The following CMIP variants were observed in gnomAD, a reference collection of about 807,000 sequenced individuals.
The protein encoded by CMIP is c-Maf inducing protein, also known as C-Maf-inducing protein.
CMIP carries 13 observed loss-of-function variants against 97.3 expected under a neutral mutation model. The observed-to-expected ratio is 0.13, with a 90% CI of 0.09 to 0.21. CMIP has a LOEUF of 0.21. CMIP is among the 10% of genes least tolerant of loss of function. The pLI, the probability that CMIP is intolerant of heterozygous loss-of-function variation, is 1.00. For synonymous variants in CMIP, 538 were observed against 436.3 expected, an observed-to-expected ratio of 1.23 and a Z score of -2.91; for missense variants, 847 against 1,024.9, an observed-to-expected ratio of 0.83 and a Z score of 2.37.
At chr16:81,638,326 C>T (rs1034653962) in intron 3 of CMIP, among the ~76,000 whole-genome samples, 1 of 152,180 alleles carries the variant, frequency 6.6e-6, no homozygotes, top group African/African-American at 2.4e-5. Context: ...CACCTCATGA[C>T]CCAGGCAGGA....
intron 3 of CMIP, among the ~76,000 whole-genome samples, chr16:81,644,097 C>T (rs1376509780): frequency 6.6e-6 from 1 of 152,212 alleles, no homozygotes; most frequent in Non-Finnish European, 1.5e-5. Flanking sequence ...GTAATGAAAA[C>T]GAACGAAACA....
chr16:81,495,128 G>A (rs1377531821), intron 1 of CMIP, among the ~76,000 whole-genome samples: 1 of 152,216 alleles, frequency 6.6e-6, no homozygotes, highest in Non-Finnish European at 1.5e-5. Context: ...GCTGTCCGTG[G>A]CATAGGTTTG....
chr16:81,580,536 C>T (rs190239259), intron 1 of CMIP, among the ~76,000 whole-genome samples: 88 of 151,022 alleles, frequency 5.8e-4, no homozygotes, highest in African/African-American at 2.0e-3. Context: ...TGGGTTCAAG[C>T]AATTCTTGTG....
At chr16:81,569,365 A>C (rs958290702) in intron 1 of CMIP, among the ~76,000 whole-genome samples, 5 of 152,248 alleles carry the variant, frequency 3.3e-5, no homozygotes, top group African/African-American at 1.2e-4. Flanking sequence ...TGGAGCTGGC[A>C]TCTGAACCTA....
At chr16:81,566,792 T>C (rs982146632) in intron 1 of CMIP, among the ~76,000 whole-genome samples, 1 of 152,218 alleles carries the variant, frequency 6.6e-6, no homozygotes, top group Non-Finnish European at 1.5e-5. Context: ...AATTGTGGCA[T>C]AGTTATACAA....
At position 81,448,991 on chromosome 16, in the gene CMIP, C is replaced by A. The variant is rs146811460; in HGVS notation, c.300+3450C>A. Among the ~76,000 whole-genome samples the A allele has an allele frequency of 3.3e-5, 5 of 152,346 alleles. No homozygotes were observed. The East Asian group carries it at 9.6e-4, about 29-fold the overall frequency. ...CAGCCAGGGGTTCTGCATAAGCGGC[C>A]GGGTTCGGCAGGACCAGAATCCATT... On this transcript the variant is annotated intron_variant, in intron 1 of 20. Transcript: ENST00000537098.
At chr16:81,569,314 A>G (rs2091041089) in intron 1 of CMIP, among the ~76,000 whole-genome samples, 1 of 152,260 alleles carries the variant, frequency 6.6e-6, no homozygotes, top group Non-Finnish European at 1.5e-5. Context: ...ACTGAGGCGC[A>G]GAATGATGAA....
intron 1 of CMIP, among the ~76,000 whole-genome samples, chr16:81,506,794 A>G (rs188686606): frequency 4.8e-4 from 72 of 151,562 alleles, no homozygotes; most frequent in African/African-American, 1.6e-3. Flanking sequence ...AGCCCCAGCT[A>G]TTTGGGAGGC....
At chr16:81,705,237 C>T (rs919088602) in intron 18 of CMIP, among the ~76,000 whole-genome samples, 7 of 152,224 alleles carry the variant, frequency 4.6e-5, no homozygotes, top group Admixed American at 2.6e-4. Context: ...AGTTCAAAGC[C>T]CTCCTTCATG....
intron 14 of CMIP, chr16:81,697,395 C>G (rs1014590007): frequency 1.3e-5 from 2 of 152,310 alleles, no homozygotes; most frequent in Admixed American, 6.5e-5. Context: ...CTCTTCCTCC[C>G]CCAGGGCAGA....
intron 14 of CMIP, chr16:81,696,991 A>C: frequency 2.6e-6 from 1 of 385,214 alleles, no homozygotes; most frequent in Non-Finnish European, 4.7e-6. Flanking sequence ...GCCTAAGGTC[A>C]CACAGTTCAT....
At chr16:81,505,503 G>A (rs945823864) in intron 1 of CMIP, among the ~76,000 whole-genome samples, 5 of 152,214 alleles carry the variant, frequency 3.3e-5, no homozygotes, top group Admixed American at 6.5e-5. Flanking sequence ...CTGCTGGGCC[G>A]AGTTTCTGGT....
intron 1 of CMIP, among the ~76,000 whole-genome samples, chr16:81,554,187 G>T (rs567496006): frequency 6.6e-6 from 1 of 152,378 alleles, no homozygotes; most frequent in Non-Finnish European, 1.5e-5. Flanking sequence ...AATGTATGTT[G>T]AGGGGAGTCT....
intron 10 of CMIP, among the ~76,000 whole-genome samples, chr16:81,683,678 C>T (rs1905094111): frequency 6.6e-6 from 1 of 151,464 alleles, no homozygotes; most frequent in African/African-American, 2.4e-5. Context: ...CCACTGTGCC[C>T]AGCCTGTTTT....
intron 4 of CMIP, among the ~76,000 whole-genome samples, chr16:81,656,469 A>G (rs537639896): frequency 2.6e-4 from 40 of 152,228 alleles, no homozygotes; most frequent in Non-Finnish European, 4.8e-4. Flanking sequence ...ACCAAAACAG[A>G]CAAGCAAAGC....
At chr16:81,696,175 C>T in intron 13 of CMIP, 1 of 292,702 alleles carries the variant, frequency 3.4e-6, no homozygotes, top group Non-Finnish European at 6.6e-6. Flanking sequence ...TGGCCCCACC[C>T]AGAGGAAGGC....
chr16:81,538,496 A>G (rs916085965), intron 1 of CMIP, among the ~76,000 whole-genome samples: 2 of 152,202 alleles, frequency 1.3e-5, no homozygotes, highest in South Asian at 2.1e-4. Flanking sequence ...CTGTGTCTCC[A>G]TGTTCTTACT....
intron 3 of CMIP, chr16:81,645,370 G>A (rs780054013): frequency 2.5e-4 from 359 of 1,448,486 alleles, no homozygotes; most frequent in Non-Finnish European, 3.1e-4. Flanking sequence ...GTACGCGCGC[G>A]AGCCCCAGAG....
intron 1 of CMIP, among the ~76,000 whole-genome samples, chr16:81,590,727 A>G (rs886156046): frequency 5.3e-5 from 8 of 152,178 alleles, no homozygotes; most frequent in Admixed American, 3.9e-4. Context: ...TAAACAACAA[A>G]TAACAAACTA....
Sources: gnomAD v4.1 joint callset for allele counts (sites outside exome capture counted in the v4.1 genomes callset) on GRCh38, gnomAD v4.1.1 for gene constraint, MANE v1.5 for transcripts, NCBI Gene and HGNC (gene_info 2026-07-23, HGNC 2026-07-21) for gene names.